The following TGDS variants were observed in gnomAD, a reference collection of about 807,000 sequenced individuals.
TGDS encodes the protein TDP-glucose 4,6-dehydratase.
In TGDS, 47 loss-of-function variants were observed where a neutral mutation model predicts 52.3. The ratio of observed to expected loss-of-function variants is 0.90; its 90% confidence interval spans 0.71 to 1.15. The LOEUF (loss-of-function observed/expected upper bound fraction) is 1.15. Ranked by LOEUF, TGDS falls within the 50% of genes most tolerant of loss-of-function variation. TGDS has a pLI of 0.00. For missense variants in TGDS, 375 were observed against 418.4 expected (o/e 0.90, Z 0.90); for synonymous variants, 115 against 136.9 (o/e 0.84, Z 1.12).
intron 4 of TGDS, among the ~76,000 whole-genome samples, chr13:94,584,255 C>T (rs1197895919): frequency 6.6e-6 from 1 of 152,156 alleles, no homozygotes; most frequent in Non-Finnish European, 1.5e-5. Context: ...CAGAATGTGA[C>T]TATATTTGGA....
chr13:94,583,276 A>T (rs1443887024), intron 4 of TGDS, 40 bp from the exon 5 acceptor site: 45 of 1,590,674 alleles, frequency 2.8e-5, no homozygotes, highest in Non-Finnish European at 3.8e-5. Context: ...AGTCTACCCA[A>T]CGGATAAAAC....
intron 9 of TGDS, among the ~76,000 whole-genome samples, 164 bp downstream of exon 9, chr13:94,577,841 A>T (rs1355040496): frequency 6.6e-6 from 1 of 151,504 alleles, no homozygotes; most frequent in Non-Finnish European, 1.5e-5. Flanking sequence ...GTTACTAAAT[A>T]GGTGATCCAA....
At chr13:94,577,894 T>C in intron 9 of TGDS, 111 bp downstream of exon 9, 2 of 1,107,608 alleles carry the variant, frequency 1.8e-6, no homozygotes, top group Non-Finnish European at 2.5e-6. Context: ...ATTAATTTCA[T>C]TTTCTACTTG....
At chr13:94,580,802 A>C (rs1038537742) in intron 6 of TGDS, among the ~76,000 whole-genome samples, 1 of 152,246 alleles carries the variant, frequency 6.6e-6, no homozygotes, top group Non-Finnish European at 1.5e-5. Flanking sequence ...ATTCCATAAT[A>C]TGTAAATTTT....
chr13:94,587,998 CAAAA>C (rs71111537), intron 4 of TGDS, among the ~76,000 whole-genome samples: 7 of 86,376 alleles, frequency 8.1e-5, no homozygotes, highest in East Asian at 3.3e-4. Flanking sequence ...CACTCCATCT[CAAAA>C]AAAAAAAAAA....
At chr13:94,588,109 T>C (rs945648038) in intron 4 of TGDS, among the ~76,000 whole-genome samples, 3 of 150,952 alleles carry the variant, frequency 2.0e-5, no homozygotes, top group East Asian at 2.0e-4. Flanking sequence ...TAAGACACCA[T>C]TGAAAACGGG....
intron 7 of TGDS, among the ~76,000 whole-genome samples, chr13:94,578,995 T>C (rs1318639352): frequency 5.9e-5 from 9 of 152,162 alleles, no homozygotes; most frequent in African/African-American, 4.8e-5. Context: ...ATGATCTAAA[T>C]AGGGGAAAAA....
intron 6 of TGDS, among the ~76,000 whole-genome samples, chr13:94,580,335 T>C (rs1888744088): frequency 6.6e-6 from 1 of 152,204 alleles, no homozygotes; most frequent in South Asian, 2.1e-4. Flanking sequence ...AAAGAGCTAC[T>C]ATGAAAGTGA....
At chr13:94,578,392 A>T (rs531509185) in intron 8 of TGDS, among the ~76,000 whole-genome samples, 1 of 110,858 alleles carries the variant, frequency 9.0e-6, no homozygotes, top group Non-Finnish European at 1.9e-5. Context: ...TGAAATGTGT[A>T]TTCAATTTTA....
At chr13:94,577,101 C>CAA (rs34410018) in intron 10 of TGDS, among the ~76,000 whole-genome samples, 12 of 103,638 alleles carry the variant, frequency 1.2e-4, no homozygotes, top group African/African-American at 2.1e-4. Context: ...ATTCTGTCTC[C>CAA]AAAAAAAAAA....
Position 94,574,064 on chromosome 13 carries a change from T to A in TGDS, c.*718A>T, listed in dbSNP as rs192031978. 4.6e-5 allele frequency: 7 copies of A among 151,524 alleles called. No homozygotes were observed. Among genetic ancestry groups the A allele is most frequent in the East Asian group, 3.9e-4 (2 of 5,168 alleles). 9.4% of individuals were successfully genotyped at this position (151,524 alleles called of 1,614,324 possible). On this transcript the variant is annotated 3_prime_UTR_variant, in exon 12 of 12. Transcript: ENST00000261296. ...GAAGGATTAAAAATATATAATCAAA[T>A]TTTTTTTTATTTTTCTACAGCAAAA...
intron 6 of TGDS, 48 bp downstream of exon 6, chr13:94,581,043 T>G (rs1445914008): frequency 2.6e-6 from 3 of 1,155,744 alleles, no homozygotes; most frequent in South Asian, 2.0e-5. Context: ...GTTTTAACAC[T>G]TAAGTCCAAA....
rs150186125 is a variant in TGDS, at chr13:94,588,421, C to CAAAAAAAAAAA, written c.313+2421_313+2431dup. Among the ~76,000 whole-genome samples the CAAAAAAAAAAA allele has an allele frequency of 6.2e-4, 36 of 58,490 alleles. 1 individual carries two copies. The highest frequency in any genetic ancestry group is 1.5e-3 in the African/African-American group (21 of 14,396). 38.4% of individuals were successfully genotyped at this position (58,490 alleles called of 152,430 possible). A position where few individuals can be genotyped will look rare whatever the true frequency, so the allele number is the denominator to read the frequency against. ...CTGGGCAATCAGCGAGACTCTGTCT[C>CAAAAAAAAAAA]AAAAAAAAAAAAAAAAAAAAAAAAA... On this transcript the variant is annotated intron_variant, in intron 4 of 11. Transcript: ENST00000261296.
Position 94,576,335 on chromosome 13 carries a change from T to C in TGDS, c.961A>G (p.Lys321Glu), listed in dbSNP as rs1374436495. ...ATACTTGTTTTCTTTATTCCTTCTT[T>C]CCAAGGCACTTTAGGTCTCCATCCT... ...GLGWRPKVPW[K>E]EGIKKTIEWY... The change falls in exon 11 of 12, where the codon AAA becomes GAA. Residue 321 changes from lysine to glutamate, a missense_variant. Coordinates refer to ENST00000261296, the MANE Select transcript of TGDS (RefSeq NM_014305.4). 2 of 1,603,816 alleles carry C rather than the reference T, an allele frequency of 1.2e-6. No individual in the cohort carries two copies. The highest frequency in any genetic ancestry group is 2.3e-5 in the South Asian group (2 of 88,700).
chr13:94,577,395 T>C lies in TGDS; in HGVS notation c.860A>G (p.Asn287Ser). 6.3e-7 allele frequency: 1 copy of C among 1,576,584 alleles called. No homozygotes were observed. The highest frequency in any genetic ancestry group is 8.6e-7 in the Non-Finnish European group (1 of 1,165,836). ...CCTATCATTAACATAATCAACCCAA[T>C]TTTCCATTTCAGACTCTGAATTGGT... Reference protein sequence around the residue: ...KETNSESEMENWVDYVNDRPT... With the variant: ...KETNSESEMESWVDYVNDRPT... The change falls in exon 10 of 12, where the codon AAT becomes AGT. Residue 287 changes from asparagine (N) to serine (S), a missense_variant. Asn to Ser is a conservative substitution (Grantham distance 46). Transcript: ENST00000261296.
chr13:94,593,951 C>G, intron 1 of TGDS, 44 bp from the exon 2 acceptor site: 1 of 1,215,682 alleles, frequency 8.2e-7, no homozygotes, highest in Non-Finnish European at 1.2e-6. Flanking sequence ...ACTTTAACTT[C>G]CCTAAACTCT....
In TGDS at chr13:94,579,492, C is replaced by A. The variant is rs151239942; in HGVS notation, c.615+402G>T. 2.2e-3 allele frequency: 347 copies of A among 155,126 alleles called. 1 individual carries two copies. Among genetic ancestry groups the A allele is most frequent in the Non-Finnish European group, 4.3e-3 (303 of 70,062 alleles). 9.6% of individuals were successfully genotyped at this position (155,126 alleles called of 1,614,324 possible). The stretch of plus-strand genomic sequence containing the variant: ...ACAGTTAATGTATACAAGCTTCTTG[C>A]ATCACTATCTAGCTAGCTTTTGACT... On this transcript the variant is annotated intron_variant, in intron 7 of 11. Transcript: ENST00000261296.
At chr13:94,578,686 A>G in intron 8 of TGDS, 44 bp downstream of exon 8, 1 of 1,424,884 alleles carries the variant, frequency 7.0e-7, no homozygotes, top group Non-Finnish European at 9.8e-7. Context: ...AAATACTCTA[A>G]CATACCAGAA....
At chr13:94,595,676 G>T (rs1449937937) in intron 1 of TGDS, among the ~76,000 whole-genome samples, 1 of 152,120 alleles carries the variant, frequency 6.6e-6, no homozygotes, top group Non-Finnish European at 1.5e-5. Context: ...TCCTTAAATC[G>T]TTTTGGGGGT....
Sources: gnomAD v4.1 joint callset for allele counts (sites outside exome capture counted in the v4.1 genomes callset) on GRCh38, gnomAD v4.1.1 for gene constraint, MANE v1.5 for transcripts, NCBI Gene and HGNC (gene_info 2026-07-23, HGNC 2026-07-21) for gene names.